Variants in SPOCK3 observed in about 807,000 individuals in gnomAD.
SPOCK3 encodes testican-3.
In SPOCK3, 30 loss-of-function variants were observed where a neutral mutation model predicts 56.6. That is an observed-to-expected ratio of 0.53 (90% confidence interval 0.40 to 0.72). SPOCK3 has a LOEUF of 0.72. Among genes scored for constraint, SPOCK3 ranks in the 30% least tolerant of loss-of-function variants. The pLI is 0.00. For synonymous variants in SPOCK3, 196 were observed against 183.3 expected (o/e 1.07, Z -0.56); for missense variants, 527 against 530.0 (o/e 0.99, Z 0.06).
chr4:167,058,233 T>C (rs964044692), intron 3 of SPOCK3, among the ~76,000 whole-genome samples: 3 of 152,168 alleles, frequency 2.0e-5, no homozygotes, highest in Non-Finnish European at 4.4e-5. Context: ...GATGACATGA[T>C]TGTATATCTA....
intron 2 of SPOCK3, among the ~76,000 whole-genome samples, chr4:167,181,882 G>A (rs539032084): frequency 2.0e-4 from 30 of 152,020 alleles, no homozygotes; most frequent in African/African-American, 6.8e-4. Context: ...ACACATTTTT[G>A]TTCCTATGTG....
chr4:166,922,446 T>C (rs1307533439), intron 4 of SPOCK3, among the ~76,000 whole-genome samples: 2 of 152,148 alleles, frequency 1.3e-5, no homozygotes, highest in African/African-American at 4.8e-5. Flanking sequence ...TTGTAAATAT[T>C]TTCTAACTCC....
At chr4:166,868,437 C>T (rs1732098771) in intron 6 of SPOCK3, among the ~76,000 whole-genome samples, 1 of 151,912 alleles carries the variant, frequency 6.6e-6, no homozygotes, top group Non-Finnish European at 1.5e-5. Context: ...GTGAACTCCA[C>T]CCTGGGCAAC....
chr4:166,769,108 T>C (rs1324374762), intron 7 of SPOCK3, among the ~76,000 whole-genome samples: 1 of 146,622 alleles, frequency 6.8e-6, no homozygotes, highest in East Asian at 1.9e-4. Flanking sequence ...TTCAAGGTTT[T>C]TAGCTTCTTT....
chr4:166,939,418 A>G (rs1483225784), intron 4 of SPOCK3, among the ~76,000 whole-genome samples: 1 of 152,146 alleles, frequency 6.6e-6, no homozygotes. Context: ...AGCAATAAAA[A>G]CAGATATCAT....
chr4:166,766,421 C>G (rs1017189711), intron 7 of SPOCK3, among the ~76,000 whole-genome samples: 2 of 152,106 alleles, frequency 1.3e-5, no homozygotes, highest in East Asian at 3.9e-4. Flanking sequence ...TTGTCAAAGG[C>G]CTTTGCTGCC....
intron 2 of SPOCK3, among the ~76,000 whole-genome samples, chr4:167,204,998 C>T (rs1413035941): frequency 6.8e-6 from 1 of 146,744 alleles, no homozygotes; most frequent in Non-Finnish European, 1.5e-5. Context: ...GTACCATCAC[C>T]AGCTATTTTT....
In SPOCK3 at chr4:167,078,757, A is replaced by C. The variant is rs1039528831; in HGVS notation, c.190-16220T>G. On this transcript the variant is annotated intron_variant, in intron 2 of 10. Coordinates refer to ENST00000357545, the MANE Select transcript of SPOCK3 (RefSeq NM_001040159.2). ...TTCTAATATTTAATTTTATTATTTAATTTCCAAGTGCAAGTAGCAATCTGC... is the reference window on the plus strand; with the variant it reads ...TTCTAATATTTAATTTTATTATTTACTTTCCAAGTGCAAGTAGCAATCTGC... Among the ~76,000 whole-genome samples the C allele has an allele frequency of 4.0e-5, 6 of 151,680 alleles. No homozygotes were observed. The Admixed American group carries it at 4.0e-4, about 10-fold the overall frequency.
At position 166,981,827 on chromosome 4, in the gene SPOCK3, C is replaced by G. The variant is rs528042860; in HGVS notation, c.350+18522G>C. On this transcript the variant is annotated intron_variant, in intron 4 of 10. Coordinates refer to ENST00000357545, the MANE Select transcript of SPOCK3 (RefSeq NM_001040159.2). ...GCCTGCACAAGCTGGACTCAGCACC[C>G]CTGGCCTCTGTCCCATGTTGGTCAG... Among the ~76,000 whole-genome samples, 7 of 152,302 alleles carry G rather than the reference C, an allele frequency of 4.6e-5. No homozygotes were observed. The East Asian group carries it at 1.4e-3, about 29-fold the overall frequency.
At chr4:167,229,127 A>G (rs1335399065) in intron 2 of SPOCK3, among the ~76,000 whole-genome samples, 1 of 152,170 alleles carries the variant, frequency 6.6e-6, no homozygotes, top group African/African-American at 2.4e-5. Context: ...GAAAATGTAC[A>G]TTTTCATAAG....
chr4:167,165,374 A>T (rs1765668298), intron 2 of SPOCK3, among the ~76,000 whole-genome samples: 1 of 152,154 alleles, frequency 6.6e-6, no homozygotes, highest in South Asian at 2.1e-4. Context: ...AGAAAAAAAC[A>T]ACCCCATCAA....
At chr4:166,905,896 AAATTT>A (rs1288850126) in intron 5 of SPOCK3, among the ~76,000 whole-genome samples, 12 of 152,054 alleles carry the variant, frequency 7.9e-5, no homozygotes, top group Admixed American at 7.9e-4. Flanking sequence ...AGTACTTAAC[AAATTT>A]AATAAAGGGC....
intron 2 of SPOCK3, among the ~76,000 whole-genome samples, chr4:167,114,037 G>C (rs1175943086): frequency 6.6e-6 from 1 of 151,942 alleles, no homozygotes; most frequent in Non-Finnish European, 1.5e-5. Flanking sequence ...AGAAAGAGGG[G>C]AAAACTTCCC....
chr4:166,778,989 T>C (rs1739876507), intron 7 of SPOCK3, among the ~76,000 whole-genome samples: 1 of 151,942 alleles, frequency 6.6e-6, no homozygotes, highest in Admixed American at 6.6e-5. Flanking sequence ...TGAGATAAAT[T>C]ATCACCAAAA....
At chr4:166,828,793 C>T (rs4859994) in intron 6 of SPOCK3, among the ~76,000 whole-genome samples, 55,029 of 151,762 alleles carry the variant, frequency 0.36, 12,369 homozygotes, top group South Asian at 0.53. Flanking sequence ...ACAAATGTTA[C>T]ATTTCAATGA....
chr4:166,981,675 G>T (rs1746588725), intron 4 of SPOCK3, among the ~76,000 whole-genome samples: 1 of 152,268 alleles, frequency 6.6e-6, no homozygotes, highest in Admixed American at 6.5e-5. Context: ...CATTCAGTCT[G>T]GCTCCCGGGC....
At chr4:166,924,762 G>A (rs911217689) in intron 4 of SPOCK3, among the ~76,000 whole-genome samples, 3 of 152,158 alleles carry the variant, frequency 2.0e-5, no homozygotes, top group South Asian at 2.1e-4. Context: ...AAATTAAACC[G>A]ACCTGGAAAA....
intron 3 of SPOCK3, among the ~76,000 whole-genome samples, chr4:167,015,541 A>G (rs1750532888): frequency 6.6e-6 from 1 of 152,188 alleles, no homozygotes; most frequent in Non-Finnish European, 1.5e-5. Context: ...AAGAATAATA[A>G]ACTATTTTAG....
rs774523713 is a variant in SPOCK3, at chr4:166,734,937, TG to T, written c.1285del (p.His429MetfsTer7). 1.3e-6 allele frequency: 2 copies of T among 1,553,634 alleles called. No individual in the cohort carries two copies. The highest frequency in any genetic ancestry group is 1.8e-6 in the Non-Finnish European group (2 of 1,129,774). On this transcript the variant is annotated frameshift_variant, in exon 11 of 11. Coordinates refer to ENST00000357545, the MANE Select transcript of SPOCK3 (RefSeq NM_001040159.2). LOFTEE classifies it high-confidence loss of function. Reference sequence around the variant, plus strand: ...TGTCATCAATCAAATGTATACATCATGGTCATCACCACCATCATCATCATCC... The same window carrying T: ...TGTCATCAATCAAATGTATACATCATGTCATCACCACCATCATCATCATCC... The part of the protein sequence containing the change: ...EGDDDDGGDD[H>X]DVYI
Sources: gnomAD v4.1 joint callset for allele counts (sites outside exome capture counted in the v4.1 genomes callset) on GRCh38, gnomAD v4.1.1 for gene constraint, MANE v1.5 for transcripts, NCBI Gene and HGNC (gene_info 2026-07-23, HGNC 2026-07-21) for gene names.